DLGAP1: variants seen among roughly 807,000 people sequenced by gnomAD.
DLGAP1 encodes the protein disks large-associated protein 1.
DLGAP1 carries 11 observed loss-of-function variants against 90.8 expected under a neutral mutation model. That is an observed-to-expected ratio of 0.12 (90% confidence interval 0.08 to 0.20). DLGAP1 has a LOEUF of 0.20. Ranked by LOEUF, DLGAP1 falls within the 10% of genes least tolerant of loss-of-function variation. The pLI, the probability that DLGAP1 is intolerant of heterozygous loss-of-function variation, is 1.00. For synonymous variants in DLGAP1, 558 were observed against 540.7 expected (o/e 1.03, Z -0.44); for missense variants, 1,050 against 1,333.8 (o/e 0.79, Z 3.31).
At chr18:4,153,066 C>G (rs2076700291) in intron 1 of DLGAP1, among the ~76,000 whole-genome samples, 1 of 152,060 alleles carries the variant, frequency 6.6e-6, no homozygotes, top group African/African-American at 2.4e-5. Context: ...GAAAAAGACA[C>G]CCAAAACACA....
chr18:4,238,778 G>C (rs2078470268), intron 1 of DLGAP1, among the ~76,000 whole-genome samples: 1 of 152,210 alleles, frequency 6.6e-6, no homozygotes, highest in East Asian at 1.9e-4. Flanking sequence ...ATTAGAAATG[G>C]GTGCCCTTTA....
In DLGAP1 at chr18:4,007,383, C is replaced by T. The variant is rs534541711; in HGVS notation, c.-158-2182G>A. Reference sequence around the variant, plus strand: ...AAATCATTTCATTGCTGGCCGGGTGCAGTGGCTCACGCCTGTAATCCTAGC... The same window carrying T: ...AAATCATTTCATTGCTGGCCGGGTGTAGTGGCTCACGCCTGTAATCCTAGC... On this transcript the variant is annotated intron_variant, in intron 2 of 12. Transcript: ENST00000315677. 3.1e-4 allele frequency among the ~76,000 whole-genome samples: 47 copies of T among 152,278 alleles called. 3 individuals carry two copies. In the South Asian group the frequency reaches 3.9e-3, roughly 13 times the overall value.
chr18:4,426,532 G>C (rs1357023398), intron 1 of DLGAP1, among the ~76,000 whole-genome samples: 1 of 152,178 alleles, frequency 6.6e-6, no homozygotes, highest in Non-Finnish European at 1.5e-5. Context: ...TGTTAAGAAT[G>C]GTGGGTCAGG....
intron 1 of DLGAP1, among the ~76,000 whole-genome samples, chr18:4,262,710 C>A (rs1429646015): frequency 6.6e-6 from 1 of 152,122 alleles, no homozygotes; most frequent in African/African-American, 2.4e-5. Flanking sequence ...TACCCAGACT[C>A]CCTGGGTTTG....
intron 7 of DLGAP1, among the ~76,000 whole-genome samples, chr18:3,619,840 A>G (rs964095152): frequency 7.5e-6 from 1 of 132,582 alleles, no homozygotes; most frequent in Non-Finnish European, 1.5e-5. Flanking sequence ...AGGTCTTGCT[A>G]TGCTGCCGAG....
rs748868397 is a variant in DLGAP1 at position 4,201,931 on chromosome 18, C to T, written c.-266-50644G>A. On this transcript the variant is annotated intron_variant, in intron 1 of 12. Coordinates refer to ENST00000315677, the MANE Select transcript of DLGAP1 (RefSeq NM_004746.4). Reference sequence around the variant, plus strand: ...ACAGTATAAAAGATTTCTCAAAAAACGGAAAGTAGATCTACCATTTGATCC... The same window carrying T: ...ACAGTATAAAAGATTTCTCAAAAAATGGAAAGTAGATCTACCATTTGATCC... 2.6e-5 allele frequency among the ~76,000 whole-genome samples: 4 copies of T among 152,160 alleles called. No individual in the cohort carries two copies. The South Asian group carries it at 8.3e-4, about 32-fold the overall frequency.
At chr18:3,851,092 A>G (rs2069311477) in intron 4 of DLGAP1, among the ~76,000 whole-genome samples, 1 of 152,196 alleles carries the variant, frequency 6.6e-6, no homozygotes, top group Admixed American at 6.5e-5. Flanking sequence ...CAGAAAGCCA[A>G]GGAGAAAAGT....
Position 3,978,978 on chromosome 18 carries a change from A to G in DLGAP1, c.-73+26138T>C, listed in dbSNP as rs576130195. Among the ~76,000 whole-genome samples, 249 of 152,320 alleles carry G rather than the reference A, an allele frequency of 1.6e-3. 1 individual carries two copies. Among genetic ancestry groups the G allele is most frequent in the African/African-American group, 5.8e-3 (243 of 41,574 alleles). On this transcript the variant is annotated intron_variant, in intron 3 of 12. Transcript: ENST00000315677. Reference sequence around the variant, plus strand: ...AATGACCACATTGAGTAATAAAGACATACCTATCTGTCCATCAACAGATAA... The same window carrying G: ...AATGACCACATTGAGTAATAAAGACGTACCTATCTGTCCATCAACAGATAA...
intron 5 of DLGAP1, among the ~76,000 whole-genome samples, chr18:3,753,960 C>T (rs1598601019): frequency 6.6e-6 from 1 of 152,280 alleles, no homozygotes; most frequent in East Asian, 1.9e-4. Flanking sequence ...ATGTAAATGG[C>T]ATAGTATTTG....
At chr18:4,041,728 G>A (rs1568365732) in intron 2 of DLGAP1, among the ~76,000 whole-genome samples, 1 of 152,140 alleles carries the variant, frequency 6.6e-6, no homozygotes, top group Non-Finnish European at 1.5e-5. Flanking sequence ...CTGTGGAGTT[G>A]GATTCATGGG....
At chr18:4,080,098 T>C (rs1320916036) in intron 2 of DLGAP1, among the ~76,000 whole-genome samples, 3 of 152,174 alleles carry the variant, frequency 2.0e-5, no homozygotes, top group Non-Finnish European at 4.4e-5. Context: ...GAAAGAGCTA[T>C]GTTCCTATTT....
At chr18:4,106,676 A>T (rs938020337) in intron 2 of DLGAP1, among the ~76,000 whole-genome samples, 1 of 152,252 alleles carries the variant, frequency 6.6e-6, no homozygotes, top group East Asian at 1.9e-4. Context: ...AGACCAAAAC[A>T]CAAACCAGAA....
chr18:3,648,269 C>G (rs186613558), intron 7 of DLGAP1, among the ~76,000 whole-genome samples: 5 of 152,292 alleles, frequency 3.3e-5, no homozygotes, highest in Non-Finnish European at 5.9e-5. Context: ...TGAAACCAAA[C>G]AAAACCCATA....
At chr18:3,646,858 G>A (rs981381932) in intron 7 of DLGAP1, among the ~76,000 whole-genome samples, 6 of 152,080 alleles carry the variant, frequency 3.9e-5, no homozygotes, top group African/African-American at 1.4e-4. Flanking sequence ...CCGGGAGGCG[G>A]AGCTTGCAGT....
chr18:4,387,930 T>TACACACACAC (rs1171436413), intron 1 of DLGAP1, among the ~76,000 whole-genome samples: 7 of 123,258 alleles, frequency 5.7e-5, no homozygotes, highest in African/African-American at 1.9e-4. Flanking sequence ...CCATCACACA[T>TACACACACAC]ACACACACAC....
intron 3 of DLGAP1, among the ~76,000 whole-genome samples, chr18:3,900,116 G>C (rs1180866656): frequency 1.3e-5 from 2 of 152,188 alleles, no homozygotes; most frequent in African/African-American, 4.8e-5. Flanking sequence ...AGGTAGATAA[G>C]CTGTAAGACT....
chr18:3,553,428 T>C (rs1313923774), intron 9 of DLGAP1, among the ~76,000 whole-genome samples: 1 of 152,242 alleles, frequency 6.6e-6, no homozygotes, highest in Non-Finnish European at 1.5e-5. Flanking sequence ...ATGTAAATAC[T>C]ACTTTGTTTT....
intron 1 of DLGAP1, among the ~76,000 whole-genome samples, chr18:4,205,326 T>C (rs2077700162): frequency 6.6e-6 from 1 of 152,146 alleles, no homozygotes; most frequent in African/African-American, 2.4e-5. Context: ...GTGGTGTGTG[T>C]CTACGGCATA....
rs1052182407 is a variant in DLGAP1 at position 4,454,007 on chromosome 18, C to A, written c.-267+999G>T. Among the ~76,000 whole-genome samples the A allele has an allele frequency of 6.6e-6, 1 of 152,106 alleles. No individual in the cohort carries two copies. Among genetic ancestry groups the A allele is most frequent in the Non-Finnish European group, 1.5e-5 (1 of 68,036 alleles). ...GTCGGGCTGGAGGCAAGCCCTGCAG[C>A]CGGGGGCGAGCGCGGCACTCGGACA... On this transcript the variant is annotated intron_variant, in intron 1 of 12. Transcript: ENST00000315677. The surrounding 1 kb of genome is among the most constrained non-coding windows in gnomAD (Gnocchi z 4.7).
Sources: gnomAD v4.1 joint callset for allele counts (sites outside exome capture counted in the v4.1 genomes callset) on GRCh38, gnomAD v4.1.1 for gene constraint, Gnocchi (gnomAD v3.1) non-coding constraint, MANE v1.5 for transcripts, NCBI Gene and HGNC (gene_info 2026-07-23, HGNC 2026-07-21) for gene names.